Variants in DMXL1 observed in about 807,000 individuals in gnomAD.
DMXL1 encodes the protein dmX-like protein 1.
In DMXL1, 99 loss-of-function variants were observed where a neutral mutation model predicts 319.2. The ratio of observed to expected loss-of-function variants is 0.31; its 90% CI spans 0.26 to 0.37. DMXL1 has a LOEUF of 0.37. Among genes scored for constraint, DMXL1 ranks in the 10% least tolerant of loss-of-function variants. DMXL1 has a pLI of 1.00. For missense variants in DMXL1, 3,745 were observed against 3,595.6 expected (o/e 1.04, Z -1.06); for synonymous variants, 1,385 against 1,235.2 (o/e 1.12, Z -2.54).
chr5:119,166,593 A>G (rs1773489099), intron 21 of DMXL1, 23 bp from the exon 22 acceptor site: 1 of 1,576,310 alleles, frequency 6.3e-7, no homozygotes, highest in Non-Finnish European at 8.5e-7. Flanking sequence ...CAAAATTTTC[A>G]CACCATTTTT....
At position 119,173,698 on chromosome 5, in the gene DMXL1, GTATA is replaced by G. The variant is rs374795634; in HGVS notation, c.6682-1555_6682-1552del. Among the ~76,000 whole-genome samples the G allele has an allele frequency of 1.3e-3, 70 of 55,908 alleles. No homozygotes were observed. In the East Asian group the frequency reaches 0.038, roughly 30 times the overall value. The allele number at this position is 55,908 out of a possible 152,430, so 36.7% of individuals were successfully genotyped here. On this transcript the variant is annotated intron_variant, in intron 25 of 43. Transcript: ENST00000539542. ...TGTGTGTGTGTGTGTGTGTGTGTGT[GTATA>G]TATATATGTGTGTGTGTATATATAT... is the stretch of plus-strand genomic sequence containing the variant.
intron 32 of DMXL1, 34 bp downstream of exon 32, chr5:119,197,990 T>C (rs550112525): frequency 1.2e-6 from 2 of 1,603,138 alleles, no homozygotes; most frequent in South Asian, 2.2e-5. Flanking sequence ...TTGGGTTTTT[T>C]TGTTTGTTTG....
At chr5:119,128,440 GAC>G (rs1285749531) in intron 9 of DMXL1, 1 of 186,006 alleles carries the variant, frequency 5.4e-6, no homozygotes, top group African/African-American at 2.4e-5. Context: ...CTTGCTGACT[GAC>G]ATACCCTCCC....
chr5:119,178,650 T>C, intron 28 of DMXL1: 1 of 985,418 alleles, frequency 1.0e-6, no homozygotes, highest in Non-Finnish European at 1.2e-6. Flanking sequence ...TCCAAAGCTC[T>C]TTCAGCCATC....
chr5:119,242,183 A>G (rs114290238), intron 42 of DMXL1, among the ~76,000 whole-genome samples: 3,388 of 152,166 alleles, frequency 0.022, 51 homozygotes, highest in Non-Finnish European at 0.033. Flanking sequence ...GTTGTCTGCA[A>G]GTTTTTTCAA....
At chr5:119,242,242 C>T (rs948743057) in intron 42 of DMXL1, among the ~76,000 whole-genome samples, 4 of 152,068 alleles carry the variant, frequency 2.6e-5, no homozygotes, top group South Asian at 4.1e-4. Context: ...TTGAATAAAC[C>T]ACATCTAAGT....
In DMXL1 at chr5:119,239,000, T is replaced by A. The variant is rs1021360931; in HGVS notation, c.8571T>A (p.Cys2857Ter). 1 of 1,613,706 alleles carries A rather than the reference T, an allele frequency of 6.2e-7. No individual in the cohort carries two copies. Residue 2857 changes from cysteine (C) to a stop codon, truncating the protein, a stop_gained, in exon 41 of 44, where the codon TGT becomes TGA. Coordinates refer to ENST00000539542, the MANE Select transcript of DMXL1 (RefSeq NM_001290321.3). LOFTEE classifies it high-confidence loss of function. ...TGTAACCATTCCAGACTTGGCAGTG[T>A]CATAACAAAACAGCCAATGATTTTG... ...SMPKPYLTWQ[C>*]HNKTANDFVF...
intron 8 of DMXL1, among the ~76,000 whole-genome samples, chr5:119,119,766 C>T (rs1462875027): frequency 1.3e-5 from 2 of 152,212 alleles, no homozygotes; most frequent in East Asian, 3.9e-4. Flanking sequence ...CTGCCTCGGC[C>T]TCCCAAAGGA....
chr5:119,179,796 C>T (rs1776475456), intron 28 of DMXL1, among the ~76,000 whole-genome samples: 1 of 152,122 alleles, frequency 6.6e-6, no homozygotes, highest in Admixed American at 6.6e-5. Flanking sequence ...GACTCTCATA[C>T]TTTCTAGTCT....
chr5:119,128,585 A>T (rs1764114791), intron 9 of DMXL1: 1 of 155,098 alleles, frequency 6.4e-6, no homozygotes, highest in Admixed American at 6.4e-5. Flanking sequence ...AATGAACCCT[A>T]AGGTAAACTG....
chr5:119,140,312 A>T (rs576117807), intron 13 of DMXL1, among the ~76,000 whole-genome samples: 1 of 152,338 alleles, frequency 6.6e-6, no homozygotes, highest in East Asian at 1.9e-4. Context: ...AATACCATTC[A>T]AAAGATCAGC....
At chr5:119,237,152 T>TA in intron 39 of DMXL1, 170 bp from the exon 40 acceptor site, 1 of 389,402 alleles carries the variant, frequency 2.6e-6, no homozygotes. Context: ...ATTTTTAAAG[T>TA]AGTAGCTGAA....
intron 7 of DMXL1, among the ~76,000 whole-genome samples, chr5:119,118,236 G>A (rs1761269432): frequency 6.6e-6 from 1 of 152,178 alleles, no homozygotes; most frequent in Non-Finnish European, 1.5e-5. Context: ...GCATCTGTTA[G>A]GTAAGGAGAG....
chr5:119,111,211 A>C (rs1759513815), intron 5 of DMXL1, among the ~76,000 whole-genome samples: 1 of 61,618 alleles, frequency 1.6e-5, no homozygotes, highest in Non-Finnish European at 4.7e-5. Context: ...AAAATGAAAC[A>C]AAAATATTAG....
intron 28 of DMXL1, among the ~76,000 whole-genome samples, chr5:119,181,086 C>T (rs1350169087): frequency 6.6e-6 from 1 of 152,058 alleles, no homozygotes; most frequent in Non-Finnish European, 1.5e-5. Context: ...GGCAAAACTG[C>T]AGTTACTTTT....
intron 33 of DMXL1, among the ~76,000 whole-genome samples, chr5:119,204,377 G>A (rs10065628): frequency 6.6e-6 from 1 of 151,998 alleles, no homozygotes; most frequent in African/African-American, 2.4e-5. Flanking sequence ...GAGCCCAGGC[G>A]ATCTACCTGC....
Position 119,178,259 on chromosome 5 carries a change from T to A in DMXL1, c.7135+15T>A, listed in dbSNP as rs1776183812. On this transcript the variant is annotated intron_variant, in intron 28 of 43. Transcript: ENST00000539542. The stretch of plus-strand genomic sequence containing the variant: ...AACTTTACCTGGTGAGTTTAAAAAA[T>A]TTTTTTAGGACTGAAGCTTTATTTA... The A allele has an allele frequency of 1.9e-6, 3 of 1,606,564 alleles. No homozygotes were observed. Among genetic ancestry groups the A allele is most frequent in the Admixed American group, 3.4e-5 (2 of 59,008 alleles).
intron 28 of DMXL1, among the ~76,000 whole-genome samples, chr5:119,187,449 C>A (rs916810438): frequency 1.1e-4 from 16 of 152,122 alleles, no homozygotes; most frequent in African/African-American, 2.9e-4. Flanking sequence ...TCTGACCCAG[C>A]AGGATTCAAG....
At chr5:119,161,566 G>C (rs1268474748) in intron 19 of DMXL1, among the ~76,000 whole-genome samples, 2 of 152,220 alleles carry the variant, frequency 1.3e-5, no homozygotes, top group African/African-American at 4.8e-5. Flanking sequence ...TCCCAGGTTG[G>C]GCAGGCCTGT....
Sources: gnomAD v4.1 joint callset for allele counts (sites outside exome capture counted in the v4.1 genomes callset) on GRCh38, gnomAD v4.1.1 for gene constraint, MANE v1.5 for transcripts, NCBI Gene and HGNC (gene_info 2026-07-23, HGNC 2026-07-21) for gene names.